SFMBT2: variants seen among roughly 807,000 people sequenced by gnomAD.
SFMBT2 encodes scm-like with four MBT domains protein 2.
Under a neutral mutation model 110.1 loss-of-function variants are expected in SFMBT2, and 38 were observed. The observed-to-expected ratio is 0.35, with a 90% CI of 0.27 to 0.45. The LOEUF is 0.45. SFMBT2 is among the 20% of genes least tolerant of loss of function. The pLI, the probability that SFMBT2 is intolerant of heterozygous loss-of-function variation, is 1.00. For synonymous variants in SFMBT2, 425 were observed against 425.4 expected (o/e 1.00, Z 0.01); for missense variants, 1,011 against 1,094.9 (o/e 0.92, Z 1.08).
At chr10:7,387,838 C>CAAATCT (rs1845655800) in intron 1 of SFMBT2, among the ~76,000 whole-genome samples, 1 of 150,674 alleles carries the variant, frequency 6.6e-6, no homozygotes, top group Non-Finnish European at 1.5e-5. Flanking sequence ...ATCCCAGCTA[C>CAAATCT]TCAGGAGGCT....
chr10:7,302,767 TC>T (rs1842588376), intron 4 of SFMBT2, among the ~76,000 whole-genome samples: 1 of 151,882 alleles, frequency 6.6e-6, no homozygotes, highest in Admixed American at 6.6e-5. Flanking sequence ...AGCTGAGGAG[TC>T]CCCGCGCCTA....
intron 4 of SFMBT2, among the ~76,000 whole-genome samples, chr10:7,308,351 C>T (rs536100610): frequency 4.0e-5 from 6 of 151,812 alleles, no homozygotes; most frequent in African/African-American, 1.5e-4. Context: ...GAGAGAGAGA[C>T]CCCATCTCAA....
intron 9 of SFMBT2, among the ~76,000 whole-genome samples, chr10:7,240,904 C>T (rs1160755446): frequency 6.6e-6 from 1 of 152,166 alleles, no homozygotes; most frequent in Admixed American, 6.5e-5. Context: ...CATTCCTGAA[C>T]TAATGATATT....
chr10:7,283,925 A>G lies in SFMBT2; in HGVS notation c.751T>C (p.Tyr251His). The G allele has an allele frequency of 6.2e-7, 1 of 1,600,190 alleles. No individual in the cohort carries two copies. The highest frequency in any genetic ancestry group is 1.1e-5 in the South Asian group (1 of 90,810). The change falls in exon 6 of 21, where the codon TAC becomes CAC. Residue 251 changes from tyrosine to histidine, a missense_variant. Physicochemically the swap from Tyr to His is moderately conservative, Grantham distance 83. Around this residue, in one of 2 missense-constraint regions of SFMBT2, gnomAD observed 979 missense variants for 1,016.1 expected, o/e 0.96. Coordinates refer to ENST00000397167, the MANE Select transcript of SFMBT2 (RefSeq NM_001387889.1). Reference sequence around the variant, plus strand: ...TTACCTGAAGGTGGGTCCATTCTGTATTTATTCTCTTGACACCAACCAACT... The same window carrying G: ...TTACCTGAAGGTGGGTCCATTCTGTGTTTATTCTCTTGACACCAACCAACT... ...RPVGWCQENKYRMDPPSEIYP... is the reference protein window; with the variant it reads ...RPVGWCQENKHRMDPPSEIYP...
At chr10:7,355,906 G>C (rs1267919820) in intron 4 of SFMBT2, among the ~76,000 whole-genome samples, 1 of 152,186 alleles carries the variant, frequency 6.6e-6, no homozygotes, top group African/African-American at 2.4e-5. Context: ...AAACTGCTCA[G>C]AACTATTGCA....
intron 1 of SFMBT2, among the ~76,000 whole-genome samples, chr10:7,404,316 A>G (rs79976422): frequency 0.033 from 5,086 of 152,308 alleles, 115 homozygotes; most frequent in African/African-American, 0.063. Flanking sequence ...ATCATACCTT[A>G]AAGTATTCAG....
At chr10:7,177,927 G>T (rs1838126592) in intron 16 of SFMBT2, among the ~76,000 whole-genome samples, 1 of 152,034 alleles carries the variant, frequency 6.6e-6, no homozygotes, top group African/African-American at 2.4e-5. Context: ...ACAGAGACTA[G>T]ACCATGTGAG....
chr10:7,375,328 A>G (rs1475748397), intron 2 of SFMBT2, among the ~76,000 whole-genome samples: 1 of 152,192 alleles, frequency 6.6e-6, no homozygotes, highest in Non-Finnish European at 1.5e-5. Flanking sequence ...GGGTTTGTAC[A>G]ATTTTACAAT....
At chr10:7,197,826 G>A (rs1193648407) in intron 14 of SFMBT2, 139 bp from the exon 15 acceptor site, 10 of 1,281,618 alleles carry the variant, frequency 7.8e-6, no homozygotes, top group Non-Finnish European at 9.2e-6. Context: ...TGGGGAGTCA[G>A]GCGTAATAAA....
At chr10:7,350,981 T>C (rs1844295990) in intron 4 of SFMBT2, among the ~76,000 whole-genome samples, 1 of 152,268 alleles carries the variant, frequency 6.6e-6, no homozygotes, top group South Asian at 2.1e-4. Context: ...TAGATTGCTC[T>C]ACTGTTGATA....
chr10:7,218,502 G>T (rs1468800146), intron 11 of SFMBT2, among the ~76,000 whole-genome samples: 1 of 152,172 alleles, frequency 6.6e-6, no homozygotes, highest in Non-Finnish European at 1.5e-5. Context: ...CAACAGATAA[G>T]ACTCAACAGA....
chr10:7,236,869 T>A (rs559763466), intron 9 of SFMBT2, among the ~76,000 whole-genome samples: 4 of 151,996 alleles, frequency 2.6e-5, no homozygotes, highest in Admixed American at 2.0e-4. Context: ...GTGAAGCACA[T>A]TGCTGAGAAA....
At chr10:7,168,160 C>T (rs1161272571) in intron 20 of SFMBT2, among the ~76,000 whole-genome samples, 1 of 151,962 alleles carries the variant, frequency 6.6e-6, no homozygotes. Context: ...AGGCATGAAA[C>T]TTTTCTCTGG....
rs111261579 is a variant in SFMBT2 at position 7,388,347 on chromosome 10, T to A, written c.-51-6398A>T. ...AGAAGGATGATGATGATGATGATGA[T>A]GATGATGATGATGATGATGATGATT... On this transcript the variant is annotated intron_variant, in intron 1 of 20. Coordinates refer to ENST00000397167, the MANE Select transcript of SFMBT2 (RefSeq NM_001387889.1). Among the ~76,000 whole-genome samples, 516 of 150,754 alleles carry A rather than the reference T, an allele frequency of 3.4e-3. 1 individual carries two copies. Among genetic ancestry groups the A allele is most frequent in the Non-Finnish European group, 6.1e-3 (414 of 67,758 alleles).
Position 7,301,318 on chromosome 10 carries a change from C to T in SFMBT2, c.437-15364G>A, listed in dbSNP as rs551197756. Among the ~76,000 whole-genome samples, 6 of 152,346 alleles carry T rather than the reference C, an allele frequency of 3.9e-5. No homozygotes were observed. In the South Asian group the frequency reaches 1.2e-3, roughly 32 times the overall value. On this transcript the variant is annotated intron_variant, in intron 4 of 20. Coordinates refer to ENST00000397167, the MANE Select transcript of SFMBT2 (RefSeq NM_001387889.1). The surrounding 1 kb of genome is among the most constrained non-coding windows in gnomAD (Gnocchi z 4.2). Reference sequence around the variant, plus strand: ...GACACTATGGACTAGTTGCCAGTCCCTCTACAGGGATCGTTTTGAAAGGAG... The same window carrying T: ...GACACTATGGACTAGTTGCCAGTCCTTCTACAGGGATCGTTTTGAAAGGAG...
At chr10:7,326,385 C>G (rs1444626677) in intron 4 of SFMBT2, among the ~76,000 whole-genome samples, 1 of 152,166 alleles carries the variant, frequency 6.6e-6, no homozygotes, top group Non-Finnish European at 1.5e-5. Flanking sequence ...ATCCTTAGCC[C>G]CTGCCCAGGA....
At chr10:7,377,739 C>T (rs887759324) in intron 2 of SFMBT2, among the ~76,000 whole-genome samples, 13 of 152,140 alleles carry the variant, frequency 8.5e-5, no homozygotes, top group Non-Finnish European at 1.6e-4. Context: ...CAATGGGGAG[C>T]AGCTGTCAAT....
chr10:7,376,791 T>C (rs1456377719), intron 2 of SFMBT2, among the ~76,000 whole-genome samples: 1 of 117,434 alleles, frequency 8.5e-6, no homozygotes, highest in Non-Finnish European at 1.6e-5. Flanking sequence ...AGCTGAAGTC[T>C]TCCTTCTTGG....
At chr10:7,331,662 ATCCAC>A (rs2131960107) in intron 4 of SFMBT2, among the ~76,000 whole-genome samples, 1 of 152,246 alleles carries the variant, frequency 6.6e-6, no homozygotes, top group African/African-American at 2.4e-5. Flanking sequence ...AGCTAGTCAC[ATCCAC>A]TCAAGTCACA....
Sources: allele counts gnomAD v4.1 joint callset (sites outside exome capture counted in the v4.1 genomes callset), GRCh38; gene constraint gnomAD v4.1.1; regional missense constraint gnomAD v4.1.1; non-coding constraint Gnocchi (gnomAD v3.1); transcripts MANE v1.5; gene names NCBI Gene and HGNC (gene_info 2026-07-23, HGNC 2026-07-21).